KRI1: variants seen among roughly 807,000 people sequenced by gnomAD.
KRI1 encodes protein KRI1 homolog.
A neutral mutation model predicts 97.0 loss-of-function variants in KRI1; 83 were observed. That is an observed-to-expected ratio of 0.86 (90% CI 0.72 to 1.03). KRI1 has a LOEUF of 1.03. KRI1 is among the 50% of genes least tolerant of loss of function. The pLI, the probability that KRI1 is intolerant of heterozygous loss-of-function variation, is 0.00. For synonymous variants in KRI1, 371 were observed against 363.5 expected (o/e 1.02, Z -0.23); for missense variants, 916 against 928.4 (o/e 0.99, Z 0.17).
intron 8 of KRI1, 36 bp downstream of exon 8, chr19:10,560,967 G>T: frequency 6.7e-7 from 1 of 1,499,702 alleles, no homozygotes; most frequent in Non-Finnish European, 9.3e-7. Context: ...CGGAACACGC[G>T]GTCTACTCCA....
In KRI1 at chr19:10,553,121, T is replaced by C; in HGVS notation, c.*830A>G. On this transcript the variant is annotated 3_prime_UTR_variant, in exon 19 of 19. Transcript: ENST00000312962. ...ACTATTTATTTTTTTATTTATGTCA[T>C]GTCGGGTGTGGGATCTTGAGCTCTG... 2 of 1,509,716 alleles carry C rather than the reference T, an allele frequency of 1.3e-6. No homozygotes were observed. Among genetic ancestry groups the C allele is most frequent in the Non-Finnish European group, 1.8e-6 (2 of 1,129,776 alleles). The allele number at this position is 1,509,716 out of a possible 1,614,324, so 93.5% of individuals were successfully genotyped here. A position where few individuals can be genotyped will look rare whatever the true frequency, so the allele number is the denominator to read the frequency against.
At chr19:10,555,022 A>G (rs1916453724) in intron 18 of KRI1, 65 bp downstream of exon 18, 1 of 1,342,524 alleles carries the variant, frequency 7.4e-7, no homozygotes, top group Non-Finnish European at 1.1e-6. Context: ...AGGTTGACGG[A>G]GCCAAGACTC....
Position 10,553,575 on chromosome 19 carries a change from A to ATTTTTTT in KRI1, c.*369_*375dup, listed in dbSNP as rs147653121. 4.8e-5 allele frequency: 7 copies of ATTTTTTT among 147,182 alleles called. No individual in the cohort carries two copies. The highest frequency in any genetic ancestry group is 2.1e-4 in the South Asian group (1 of 4,730). 9.1% of individuals were successfully genotyped at this position (147,182 alleles called of 1,614,324 possible). A position where few individuals can be genotyped will look rare whatever the true frequency, so the allele number is the denominator to read the frequency against. ...TACCCACAGCTACACGTGTTTTTTA[A>ATTTTTTT]TTTTTTTTTTTTTTTCAAGAGACAG... On this transcript the variant is annotated 3_prime_UTR_variant, in exon 19 of 19. Coordinates refer to ENST00000312962, the MANE Select transcript of KRI1 (RefSeq NM_023008.5).
At position 10,556,919 on chromosome 19, in the gene KRI1, A is replaced by G. The variant is rs558556588; in HGVS notation, c.1617+633T>C. Among the ~76,000 whole-genome samples the G allele has an allele frequency of 5.9e-5, 9 of 151,530 alleles. No individual in the cohort carries two copies. In the South Asian group the frequency reaches 1.9e-3, roughly 32 times the overall value. On this transcript the variant is annotated intron_variant, in intron 16 of 18. Transcript: ENST00000312962. ...TTGGGAGGCTGAGGTAGGAGGATCA[A>G]TTGAGCCCAGGAGGTTGGCACCACT...
At chr19:10,559,087 C>G (rs1166564891) in intron 12 of KRI1, among the ~76,000 whole-genome samples, 2 of 151,692 alleles carry the variant, frequency 1.3e-5, no homozygotes, top group Admixed American at 1.3e-4. Context: ...TTACTGCAAC[C>G]TCTGCCTCCC....
Position 10,559,951 on chromosome 19 carries a change from G to A in KRI1, c.801-15C>T, listed in dbSNP as rs777507091. 1.2e-6 allele frequency: 2 copies of A among 1,608,086 alleles called. No individual in the cohort carries two copies. Among genetic ancestry groups the A allele is most frequent in the South Asian group, 2.2e-5 (2 of 90,954 alleles). ...GACCGTGGACCCTGAGGGGCAAGAT[G>A]TGGTGATGCCAGGGGGCCAGCCAAG... On this transcript the variant is annotated splice_polypyrimidine_tract_variant and intron_variant, in intron 9 of 18. Coordinates refer to ENST00000312962, the MANE Select transcript of KRI1 (RefSeq NM_023008.5).
At chr19:10,565,814 C>CCT (rs1555750213) in intron 1 of KRI1, 24 bp from the exon 2 acceptor site, 1 of 1,549,918 alleles carries the variant, frequency 6.5e-7, no homozygotes, top group Non-Finnish European at 8.7e-7. Flanking sequence ...ACGGGATGCC[C>CCT]CCCCCCAGGT....
chr19:10,561,596 G>A, intron 6 of KRI1, 71 bp downstream of exon 6: 2 of 1,438,202 alleles, frequency 1.4e-6, no homozygotes, highest in South Asian at 1.1e-5. Context: ...AGCTCAATTT[G>A]AACCCGTGCC....
chr19:10,557,638 C>T lies in KRI1; in HGVS notation c.1531G>A (p.Asp511Asn). The change falls in exon 16 of 19, where the codon GAC becomes AAC. Residue 511 changes from aspartate to asparagine, a missense_variant. This residue lies in a region of KRI1 where 672 missense variants were observed against 667.2 expected (regional missense o/e 1.01). Coordinates refer to ENST00000312962, the MANE Select transcript of KRI1 (RefSeq NM_023008.5). ...AGGTCGTCGATGATGTCCTCGTAGT[C>T]CAGCCGGTAATACTCATCCAGGTAC... ...EEYLDEYYRL[D>N]YEDIIDDLPC... 1 of 1,614,186 alleles carries T rather than the reference C, an allele frequency of 6.2e-7. No individual in the cohort carries two copies. The highest frequency in any genetic ancestry group is 8.5e-7 in the Non-Finnish European group (1 of 1,180,026).
chr19:10,563,548 T>C (rs1219923777), intron 3 of KRI1, among the ~76,000 whole-genome samples: 2 of 151,656 alleles, frequency 1.3e-5, no homozygotes, highest in African/African-American at 2.4e-5. Flanking sequence ...GGTTTCACCA[T>C]GTTGGCCAGG....
At position 10,559,408 on chromosome 19, in the gene KRI1, CCCT is replaced by C. The variant is rs746936591; in HGVS notation, c.1142_1144del (p.Glu381del). ...AGGGTCGAAGTCGTCTTCAAGGTCC[CCCT>C]CCTCGAGGCCCAGCATCTCGTTGCC... is the stretch of plus-strand genomic sequence containing the variant. On this transcript the variant is annotated inframe_deletion, in exon 12 of 19. Coordinates refer to ENST00000312962, the MANE Select transcript of KRI1 (RefSeq NM_023008.5). The C allele has an allele frequency of 3.1e-6, 5 of 1,614,082 alleles. No homozygotes were observed. The highest frequency in any genetic ancestry group is 4.2e-6 in the Non-Finnish European group (5 of 1,180,030).
At position 10,554,029 on chromosome 19, in the gene KRI1, G is replaced by A; in HGVS notation, c.2034C>T (p.Gly678=). 6.2e-7 allele frequency: 1 copy of A among 1,614,166 alleles called. No homozygotes were observed. Among genetic ancestry groups the A allele is most frequent in the Non-Finnish European group, 8.5e-7 (1 of 1,180,032 alleles). The change falls in exon 19 of 19, where the codon GGC becomes GGT. Residue 678 remains glycine (G), a synonymous_variant. Coordinates refer to ENST00000312962, the MANE Select transcript of KRI1 (RefSeq NM_023008.5). ...EFSRQRLQAF[G]LNPKRLHFRQ... ...GGAAGTGCAGCCGTTTGGGGTTGAG[G>A]CCAAAGGCCTGCAGTCTCTGGCGGC...
At chr19:10,561,879 C>T (rs201563159) in intron 4 of KRI1, 34 bp from the exon 5 acceptor site, 1 of 1,602,314 alleles carries the variant, frequency 6.2e-7, no homozygotes, top group Admixed American at 1.7e-5. Context: ...CAGAATATAT[C>T]TTCCAGGGCC....
chr19:10,565,131 G>C (rs1159983501), intron 2 of KRI1, 97 bp from the exon 3 acceptor site: 5 of 812,694 alleles, frequency 6.2e-6, no homozygotes, highest in East Asian at 2.5e-5. Context: ...AGGATGGAGG[G>C]GGGTGGATCT....
chr19:10,562,661 C>A (rs1916735588), intron 4 of KRI1, 68 bp downstream of exon 4: 1 of 917,832 alleles, frequency 1.1e-6, no homozygotes, highest in Admixed American at 1.8e-5. Context: ...CCCTCTCCTG[C>A]CCCTAAGACC....
Position 10,565,459 on chromosome 19 carries a change from G to C in KRI1, c.168+258C>G. 3 of 556,070 alleles carry C rather than the reference G, an allele frequency of 5.4e-6. No homozygotes were observed. In the South Asian group the frequency reaches 6.8e-5, roughly 13 times the overall value. The allele number at this position is 556,070 out of a possible 1,614,324, so 34.4% of individuals were successfully genotyped here. On this transcript the variant is annotated intron_variant, in intron 2 of 18. Transcript: ENST00000312962. ...CTTGAGGATGAAAGAGGAAAGGGGGGGTTCTTGGGGGACAGAGTCGCCCCA... is the reference window on the plus strand; with the variant it reads ...CTTGAGGATGAAAGAGGAAAGGGGGCGTTCTTGGGGGACAGAGTCGCCCCA...
intron 16 of KRI1, among the ~76,000 whole-genome samples, chr19:10,555,950 AATT>A (rs1916490973): frequency 6.6e-6 from 1 of 152,076 alleles, no homozygotes; most frequent in Non-Finnish European, 1.5e-5. Context: ...GGGTGCTATC[AATT>A]ATTGTCTCAC....
In KRI1 at chr19:10,557,588, T is replaced by C. The variant is rs775398165; in HGVS notation, c.1581A>G (p.Thr527=). 2 of 1,614,150 alleles carry C rather than the reference T, an allele frequency of 1.2e-6. No homozygotes were observed. Among genetic ancestry groups the C allele is most frequent in the Non-Finnish European group, 1.7e-6 (2 of 1,179,998 alleles). ...DDLPCRFKYR[T]VVPCDFGLST... is the part of the protein sequence containing the mutation. ...TGAGGCCAAAGTCACAGGGCACCACTGTGCGGTACTTGAAGCGACAGGGCA... is the reference window on the plus strand; with the variant it reads ...TGAGGCCAAAGTCACAGGGCACCACCGTGCGGTACTTGAAGCGACAGGGCA... The change falls in exon 16 of 19, where the codon ACA becomes ACG. Residue 527 remains threonine (T), a synonymous_variant. Coordinates refer to ENST00000312962, the MANE Select transcript of KRI1 (RefSeq NM_023008.5).
intron 2 of KRI1, 147 bp downstream of exon 2, chr19:10,565,570 C>G (rs1463921599): frequency 1.9e-6 from 2 of 1,042,760 alleles, no homozygotes; most frequent in East Asian, 5.6e-5. Context: ...GGGGCACTGT[C>G]TGTCCCTCAT....
Sources: allele counts gnomAD v4.1 joint callset (sites outside exome capture counted in the v4.1 genomes callset), GRCh38; gene constraint gnomAD v4.1.1; regional missense constraint gnomAD v4.1.1; transcripts MANE v1.5; gene names NCBI Gene and HGNC (gene_info 2026-07-23, HGNC 2026-07-21).